Variants in CSF2RA observed in about 807,000 individuals in gnomAD.
The protein encoded by CSF2RA is colony stimulating factor 2 receptor subunit alpha.
In CSF2RA, 42 loss-of-function variants were observed where a neutral mutation model predicts 51.6. The ratio of observed to expected loss-of-function variants is 0.81; its 90% confidence interval spans 0.64 to 1.05. The LOEUF (loss-of-function observed/expected upper bound fraction) is 1.05. Ranked by LOEUF, CSF2RA falls within the 50% of genes least tolerant of loss-of-function variation. The pLI, the probability that CSF2RA is intolerant of heterozygous loss-of-function variation, is 0.00. For missense variants in CSF2RA, 530 were observed against 501.1 expected (o/e 1.06, Z -0.55); for synonymous variants, 222 against 193.0 (o/e 1.15, Z -1.24).
the CSF2RA span, among the ~76,000 whole-genome samples, chrX:1,320,642 C>G: frequency 6.7e-6 from 1 of 149,848 alleles, no homozygotes. Context: ...GGACTACAGG[C>G]GCCCACCATC....
At chrX:1,289,076 C>G (rs138218062) in intron 6 of CSF2RA, 188 bp downstream of exon 6, 2 of 702,094 alleles carry the variant, frequency 2.8e-6, no homozygotes, top group Non-Finnish European at 2.4e-6. Context: ...ATTTTCCTGC[C>G]TCAGCTTCCC....
intron 12 of CSF2RA, among the ~76,000 whole-genome samples, chrX:1,307,544 CG>C (rs1569512822): frequency 1.3e-5 from 2 of 152,330 alleles, no homozygotes; most frequent in African/African-American, 4.8e-5. Context: ...ATGAAGCCCA[CG>C]CTTCTCCTTT....
At chrX:1,318,102 T>C in the CSF2RA span, among the ~76,000 whole-genome samples, 63 of 150,138 alleles carry the variant, frequency 4.2e-4, no homozygotes, top group Non-Finnish European at 7.1e-4. Context: ...GATTCTCCTG[T>C]CTCAGCCTCC....
At chrX:1,323,040 A>G in the CSF2RA span, among the ~76,000 whole-genome samples, 43 of 151,930 alleles carry the variant, frequency 2.8e-4, no homozygotes, top group Admixed American at 2.4e-3. Context: ...GAGGCAGGAG[A>G]ATGGCGTGAA....
chrX:1,314,972 G>GCCTGCTCAACCCCACTTCA, downstream of CSF2RA, among the ~76,000 whole-genome samples: 1 of 45,198 alleles, frequency 2.2e-5, no homozygotes, highest in African/African-American at 7.3e-5. Flanking sequence ...ACCCCACTGT[G>GCCTGCTCAACCCCACTTCA]CCTGCCCAAT....
chrX:1,300,402 A>G, intron 9 of CSF2RA, 89 bp from the exon 10 acceptor site: 1 of 1,487,288 alleles, frequency 6.7e-7, no homozygotes, highest in Non-Finnish European at 9.2e-7. Context: ...AAAAGGAGAA[A>G]AAAACTTAAA....
intron 12 of CSF2RA, among the ~76,000 whole-genome samples, chrX:1,307,440 C>T (rs1344789900): frequency 5.6e-5 from 8 of 144,062 alleles, no homozygotes; most frequent in African/African-American, 1.9e-4. Flanking sequence ...CCCTTTAGAC[C>T]TTCAGCTTAT....
At chrX:1,290,670 G>T (rs1266452770) in intron 7 of CSF2RA, among the ~76,000 whole-genome samples, 161 bp downstream of exon 7, 5 of 152,064 alleles carry the variant, frequency 3.3e-5, no homozygotes, top group African/African-American at 1.2e-4. Context: ...TTCAAAACCA[G>T]CCTGACCAAC....
chrX:1,323,041 A>G, the CSF2RA span, among the ~76,000 whole-genome samples: 1 of 151,924 alleles, frequency 6.6e-6, no homozygotes, highest in South Asian at 2.1e-4. Context: ...AGGCAGGAGA[A>G]TGGCGTGAAC....
At position 1,285,889 on chromosome X, in the gene CSF2RA, C is replaced by G. The variant is rs1222340373; in HGVS notation, c.188C>G (p.Thr63Ser). 3 of 1,613,760 alleles carry G rather than the reference C, an allele frequency of 1.9e-6. No individual in the cohort carries two copies. Among genetic ancestry groups the G allele is most frequent in the Non-Finnish European group, 2.5e-6 (3 of 1,179,858 alleles). The part of the protein sequence containing the change: ...ENTTFSKCFL[T>S]DKKNRVVEPR... ...ACAACCTTCAGCAAGTGTTTCTTAACTGACAAGAAGAACAGAGTCGTGGAA... is the reference window on the plus strand; with the variant it reads ...ACAACCTTCAGCAAGTGTTTCTTAAGTGACAAGAAGAACAGAGTCGTGGAA... Residue 63 changes from threonine to serine, a missense_variant, in exon 4 of 13, where the codon ACT becomes AGT. By Grantham distance (58) the Thr-to-Ser change is moderately conservative. Coordinates refer to ENST00000381529, the MANE Select transcript of CSF2RA (RefSeq NM_172245.4).
chrX:1,301,797 G>A (rs1417282167), intron 10 of CSF2RA, among the ~76,000 whole-genome samples: 27 of 150,266 alleles, frequency 1.8e-4, no homozygotes, highest in Admixed American at 1.3e-4. Flanking sequence ...GTAGAGACAG[G>A]GTTTCACTGT....
At position 1,309,416 on chromosome X, in the gene CSF2RA, A is replaced by G; in HGVS notation, c.1140A>G (p.Glu380=). Residue 380 remains glutamate (E), a synonymous_variant, in exon 13 of 13, where the codon GAA becomes GAG. Transcript: ENST00000381529. ...CTTTTTCTCAGATCATCTGGGAGGA[A>G]TTCACCCCAGAGGAAGGGAAAGGCT... ...HEVEDEIIWE[E]FTPEEGKGYR... 1 of 1,613,934 alleles carries G rather than the reference A, an allele frequency of 6.2e-7. No homozygotes were observed. The highest frequency in any genetic ancestry group is 8.5e-7 in the Non-Finnish European group (1 of 1,179,856).
intron 12 of CSF2RA, among the ~76,000 whole-genome samples, chrX:1,307,799 A>T (rs1308108296): frequency 7.7e-6 from 1 of 129,768 alleles, no homozygotes; most frequent in Non-Finnish European, 1.7e-5. Context: ...CCCTTTTTAG[A>T]CCTTTGACTG....
At chrX:1,276,497 G>A (rs1401172272) in intron 2 of CSF2RA, among the ~76,000 whole-genome samples, 4 of 151,486 alleles carry the variant, frequency 2.6e-5, no homozygotes, top group Non-Finnish European at 5.9e-5. Context: ...CCTCAGCCTC[G>A]CGAGTAGCTG....
intron 10 of CSF2RA, 22 bp from the exon 11 acceptor site, chrX:1,303,901 G>A (rs781227393): frequency 7.6e-6 from 12 of 1,584,896 alleles, no homozygotes; most frequent in Non-Finnish European, 9.5e-6. Context: ...CACCGCAGAC[G>A]CAAACCTGTG....
At chrX:1,300,329 G>A (rs745954826) in intron 9 of CSF2RA, 162 bp from the exon 10 acceptor site, 11 of 853,566 alleles carry the variant, frequency 1.3e-5, no homozygotes, top group East Asian at 2.5e-5. Context: ...GCTTAGCTTC[G>A]AAGACCCGAT....
At chrX:1,280,865 CCTCCTCCTTCTCCTGCTCCTT>C (rs1322223847) in intron 2 of CSF2RA, among the ~76,000 whole-genome samples, 42 of 141,014 alleles carry the variant, frequency 3.0e-4, no homozygotes, top group African/African-American at 9.1e-4. Context: ...TCCTCCTCCT[CCTCCTCCTTCTCCTGCTCCTT>C]CTCCTCCTCC....
chrX:1,318,817 T>G, the CSF2RA span, among the ~76,000 whole-genome samples: 1 of 147,268 alleles, frequency 6.8e-6, no homozygotes, highest in African/African-American at 2.5e-5. Flanking sequence ...CTCGGGAGGC[T>G]GAGGCAGGAG....
At chrX:1,322,707 C>A in the CSF2RA span, among the ~76,000 whole-genome samples, 2 of 151,918 alleles carry the variant, frequency 1.3e-5, no homozygotes, top group African/African-American at 4.8e-5. Context: ...TCCAAAGCTG[C>A]CCACTGAGAG....
Sources: gnomAD v4.1 joint callset for allele counts (sites outside exome capture counted in the v4.1 genomes callset) on GRCh38, gnomAD v4.1.1 for gene constraint, MANE v1.5 for transcripts, NCBI Gene and HGNC (gene_info 2026-07-23, HGNC 2026-07-21) for gene names.